The following TMEM108 variants were observed in gnomAD, a reference collection of about 807,000 sequenced individuals.
The protein encoded by TMEM108 is cancer/testis antigen 124.
TMEM108 carries 12 observed loss-of-function variants against 35.1 expected under a neutral mutation model. The ratio of observed to expected loss-of-function variants is 0.34; its 90% confidence interval spans 0.22 to 0.55. TMEM108 has a LOEUF of 0.55. Among genes scored for constraint, TMEM108 ranks in the 20% least tolerant of loss-of-function variants. The probability of loss-of-function intolerance (pLI) is 0.89; values close to 1 mark genes in which losing one functional copy is unlikely to be tolerated. For synonymous variants in TMEM108, 287 were observed against 308.6 expected (o/e 0.93, Z 0.73); for missense variants, 680 against 753.3 (o/e 0.90, Z 1.14).
At chr3:133,083,186 C>CA (rs1943837022) in intron 2 of TMEM108, among the ~76,000 whole-genome samples, 1 of 142,072 alleles carries the variant, frequency 7.0e-6, no homozygotes. Context: ...CCCCACCCCC[C>CA]GCCGCCCCAC....
Position 133,379,776 on chromosome 3 carries a change from C to A in TMEM108, c.65C>A (p.Thr22Asn). 6.2e-7 allele frequency: 1 copy of A among 1,613,764 alleles called. No individual in the cohort carries two copies. The highest frequency in any genetic ancestry group is 8.5e-7 in the Non-Finnish European group (1 of 1,179,806). The change falls in exon 4 of 6, where the codon ACC becomes AAC. Residue 22 changes from threonine (T) to asparagine (N), a missense_variant. By Grantham distance (65) the Thr-to-Asn change is moderately conservative. Coordinates refer to ENST00000321871, the MANE Select transcript of TMEM108 (RefSeq NM_023943.4). ...LLSFLLILAL[T>N]EALAFAIQEP... is the part of the protein sequence containing the mutation. Reference sequence around the variant, plus strand: ...GGTTTCCTGCTGATCTTGGCACTGACCGAAGCGCTGGCATTTGCCATCCAG... The same window carrying A: ...GGTTTCCTGCTGATCTTGGCACTGAACGAAGCGCTGGCATTTGCCATCCAG...
chr3:133,123,494 C>T (rs1452441803), intron 2 of TMEM108, among the ~76,000 whole-genome samples: 1 of 152,178 alleles, frequency 6.6e-6, no homozygotes, highest in African/African-American at 2.4e-5. Flanking sequence ...CCCTTGTCAA[C>T]ACTAAATATG....
At chr3:133,322,843 G>C (rs1238930006) in intron 3 of TMEM108, among the ~76,000 whole-genome samples, 1 of 152,098 alleles carries the variant, frequency 6.6e-6, no homozygotes, top group Non-Finnish European at 1.5e-5. Context: ...TTTACACCAA[G>C]GATGCAGGGA....
At chr3:133,378,216 C>A in intron 3 of TMEM108, 1 of 471,836 alleles carries the variant, frequency 2.1e-6, no homozygotes, top group Non-Finnish European at 2.8e-6. Flanking sequence ...CACTCCCCAC[C>A]AATTTAGAAG....
intron 2 of TMEM108, among the ~76,000 whole-genome samples, chr3:133,154,878 T>G (rs1944856829): frequency 6.6e-6 from 1 of 152,078 alleles, no homozygotes; most frequent in South Asian, 2.1e-4. Flanking sequence ...TAAAAAAAAT[T>G]ATTTTAACTT....
At chr3:133,229,416 C>A (rs78372024) in intron 3 of TMEM108, 65 bp downstream of exon 3, 6 of 1,538,562 alleles carry the variant, frequency 3.9e-6, no homozygotes, top group Non-Finnish European at 5.4e-6. Flanking sequence ...TGGGTACCCA[C>A]AACTTACTTT....
intron 2 of TMEM108, among the ~76,000 whole-genome samples, chr3:133,138,398 T>C (rs1944594657): frequency 6.6e-6 from 1 of 152,146 alleles, no homozygotes; most frequent in Non-Finnish European, 1.5e-5. Context: ...ATCAAACTTA[T>C]CCAACCCAGG....
chr3:133,152,959 T>C (rs1388270312), intron 2 of TMEM108, among the ~76,000 whole-genome samples: 6 of 152,074 alleles, frequency 3.9e-5, no homozygotes, highest in Admixed American at 6.6e-5. Flanking sequence ...TTTGATTCAA[T>C]GTTTGGGCCT....
chr3:133,214,519 A>G (rs7636875), intron 2 of TMEM108, among the ~76,000 whole-genome samples: 60,111 of 151,996 alleles, frequency 0.4, 12,200 homozygotes, highest in South Asian at 0.51. Context: ...CTCTTTTCCT[A>G]GGGAGACGGA....
chr3:133,259,602 G>A (rs1454750794), intron 3 of TMEM108, among the ~76,000 whole-genome samples: 1 of 152,212 alleles, frequency 6.6e-6, no homozygotes. Flanking sequence ...CTGACTGCAA[G>A]CCCGGTGTTC....
At chr3:133,302,415 C>CTTTTTT (rs927704510) in intron 3 of TMEM108, among the ~76,000 whole-genome samples, 63 of 110,082 alleles carry the variant, frequency 5.7e-4, no homozygotes, top group Admixed American at 8.2e-4. Context: ...TTCTTTCTTT[C>CTTTTTT]TTTTTTTTTT....
intron 2 of TMEM108, among the ~76,000 whole-genome samples, chr3:133,154,059 A>G (rs1018530392): frequency 2.6e-5 from 4 of 151,842 alleles, no homozygotes; most frequent in Admixed American, 1.3e-4. Context: ...AAAAATTTTC[A>G]TGTGTTTTTT....
rs1441719768 is a variant in TMEM108 at position 133,396,485 on chromosome 3, C to T, written c.*499C>T. 1.3e-5 allele frequency: 2 copies of T among 152,286 alleles called. No individual in the cohort carries two copies. Among genetic ancestry groups the T allele is most frequent in the Non-Finnish European group, 2.9e-5 (2 of 68,130 alleles). The allele number at this position is 152,286 out of a possible 1,614,324, so 9.4% of individuals were successfully genotyped here. A position where few individuals can be genotyped will look rare whatever the true frequency, so the allele number is the denominator to read the frequency against. On this transcript the variant is annotated 3_prime_UTR_variant, in exon 6 of 6. Coordinates refer to ENST00000321871, the MANE Select transcript of TMEM108 (RefSeq NM_023943.4). ...TGCACAGAGAAGGAAAAGGGAACAT[C>T]TCATCACCTCTGAGGATGAGTACCC...
chr3:133,265,254 T>A lies in TMEM108; in HGVS notation c.40+35903T>A, dbSNP rs1559886609. On this transcript the variant is annotated intron_variant, in intron 3 of 5. Transcript: ENST00000321871. ...TATTAACTTACTTCCTCCAGACAGC[T>A]TTTGTTCCTGTCTCTAACATTTTGT... Among the ~76,000 whole-genome samples, 10 of 152,322 alleles carry A rather than the reference T, an allele frequency of 6.6e-5. No homozygotes were observed. The South Asian group carries it at 1.2e-3, about 19-fold the overall frequency.
intron 2 of TMEM108, among the ~76,000 whole-genome samples, chr3:133,172,379 A>G (rs1945142564): frequency 6.6e-6 from 1 of 152,236 alleles, no homozygotes; most frequent in Non-Finnish European, 1.5e-5. Context: ...TGAATCACAT[A>G]AGTAGCTATT....
At chr3:133,296,080 A>G (rs916281347) in intron 3 of TMEM108, among the ~76,000 whole-genome samples, 1 of 152,208 alleles carries the variant, frequency 6.6e-6, no homozygotes, top group Non-Finnish European at 1.5e-5. Flanking sequence ...TGCTGTTTCT[A>G]GCATGTCTAA....
At chr3:133,192,202 A>G (rs1187266557) in intron 2 of TMEM108, among the ~76,000 whole-genome samples, 1 of 152,214 alleles carries the variant, frequency 6.6e-6, no homozygotes, top group Non-Finnish European at 1.5e-5. Context: ...GTAGAGGGCA[A>G]GAGTTTCAGC....
chr3:133,298,341 A>T (rs866842029), intron 3 of TMEM108, among the ~76,000 whole-genome samples: 1 of 152,126 alleles, frequency 6.6e-6, no homozygotes, highest in African/African-American at 2.4e-5. Flanking sequence ...ACCCTCTCCA[A>T]GCCTCCTCAA....
chr3:133,182,466 G>A (rs1313244268), intron 2 of TMEM108, among the ~76,000 whole-genome samples: 2 of 152,182 alleles, frequency 1.3e-5, no homozygotes, highest in Non-Finnish European at 2.9e-5. Flanking sequence ...AGCAAAACAT[G>A]AGAAGGGAAT....
Sources: gnomAD v4.1 joint callset for allele counts (sites outside exome capture counted in the v4.1 genomes callset) on GRCh38, gnomAD v4.1.1 for gene constraint, MANE v1.5 for transcripts, NCBI Gene and HGNC (gene_info 2026-07-23, HGNC 2026-07-21) for gene names.